CNTN5: variants seen among roughly 807,000 people sequenced by gnomAD.
CNTN5 encodes contactin 5.
A neutral mutation model predicts 129.1 loss-of-function variants in CNTN5; 77 were observed. The observed-to-expected ratio is 0.60, with a 90% CI of 0.50 to 0.72. CNTN5 has a LOEUF of 0.72. Ranked by LOEUF, CNTN5 falls within the 30% of genes least tolerant of loss-of-function variation. The pLI, the probability that CNTN5 is intolerant of heterozygous loss-of-function variation, is 0.00. For missense variants in CNTN5, 1,478 were observed against 1,328.8 expected (o/e 1.11, Z -1.75); for synonymous variants, 509 against 465.6 (o/e 1.09, Z -1.20).
chr11:100,258,317 G>T (rs1157772407), intron 17 of CNTN5, among the ~76,000 whole-genome samples: 1 of 152,188 alleles, frequency 6.6e-6, no homozygotes, highest in Non-Finnish European at 1.5e-5. Flanking sequence ...TTTGACTGGT[G>T]TACCTGAAAG....
intron 13 of CNTN5, among the ~76,000 whole-genome samples, chr11:100,109,434 C>T (rs1285434534): frequency 6.6e-6 from 1 of 152,054 alleles, no homozygotes; most frequent in Non-Finnish European, 1.5e-5. Flanking sequence ...TAAAACAAGA[C>T]AAAACAAAAC....
chr11:99,113,545 G>A (rs180786903), intron 1 of CNTN5, among the ~76,000 whole-genome samples: 8 of 152,196 alleles, frequency 5.3e-5, no homozygotes, highest in African/African-American at 1.7e-4. Context: ...TATATAAAAT[G>A]CACCTCAGAA....
intron 13 of CNTN5, among the ~76,000 whole-genome samples, chr11:100,148,536 G>C (rs921312717): frequency 4.6e-5 from 7 of 152,128 alleles, no homozygotes; most frequent in African/African-American, 1.4e-4. Context: ...CGGTGTAACT[G>C]AGATCTGCTA....
intron 2 of CNTN5, among the ~76,000 whole-genome samples, chr11:99,476,084 C>CT (rs985564259): frequency 6.6e-6 from 1 of 151,102 alleles, no homozygotes; most frequent in Non-Finnish European, 1.5e-5. Context: ...TCTTTTTTCC[C>CT]CCAAAGAAAG....
At chr11:99,375,491 A>G (rs1333306877) in intron 2 of CNTN5, among the ~76,000 whole-genome samples, 1 of 152,088 alleles carries the variant, frequency 6.6e-6, no homozygotes, top group Non-Finnish European at 1.5e-5. Context: ...GCTTAATGAG[A>G]TGGAGTTTAT....
intron 2 of CNTN5, among the ~76,000 whole-genome samples, chr11:99,349,573 A>C (rs1031525692): frequency 6.6e-6 from 1 of 152,208 alleles, no homozygotes; most frequent in Non-Finnish European, 1.5e-5. Flanking sequence ...TATTATAAAT[A>C]CACCATGGTG....
chr11:100,094,603 T>C (rs1161558898), intron 13 of CNTN5, among the ~76,000 whole-genome samples: 5 of 151,972 alleles, frequency 3.3e-5, no homozygotes, highest in Non-Finnish European at 5.9e-5. Context: ...TCTTTTCTAA[T>C]TGATATTCTT....
At chr11:100,279,451 T>A (rs1242696566) in intron 18 of CNTN5, among the ~76,000 whole-genome samples, 1 of 151,844 alleles carries the variant, frequency 6.6e-6, no homozygotes, top group Admixed American at 6.6e-5. Flanking sequence ...GGCTTCTTTT[T>A]TTTTCCCTCT....
At chr11:99,723,637 C>A (rs1237304940) in intron 3 of CNTN5, among the ~76,000 whole-genome samples, 1 of 152,102 alleles carries the variant, frequency 6.6e-6, no homozygotes, top group African/African-American at 2.4e-5. Context: ...ATTGTGCATT[C>A]TTCCCCCTCC....
At chr11:99,390,724 C>T (rs1223673915) in intron 2 of CNTN5, among the ~76,000 whole-genome samples, 1 of 152,102 alleles carries the variant, frequency 6.6e-6, no homozygotes, top group African/African-American at 2.4e-5. Flanking sequence ...TTCGAACATT[C>T]CTGGCTACAT....
intron 3 of CNTN5, among the ~76,000 whole-genome samples, chr11:99,771,708 C>A (rs556572534): frequency 2.6e-5 from 4 of 151,936 alleles, no homozygotes; most frequent in Non-Finnish European, 5.9e-5. Context: ...TGACCACATT[C>A]TGGGGATTTA....
intron 16 of CNTN5, among the ~76,000 whole-genome samples, chr11:100,235,853 G>GT (rs1949603500): frequency 6.6e-6 from 1 of 151,976 alleles, no homozygotes. Context: ...CTTCACTTTC[G>GT]TTTTTTGAGG....
intron 16 of CNTN5, among the ~76,000 whole-genome samples, chr11:100,235,655 CCTT>C (rs948047833): frequency 9.2e-5 from 14 of 152,104 alleles, no homozygotes; most frequent in African/African-American, 3.4e-4. Flanking sequence ...GTCTAGTGTG[CCTT>C]CTTCTGGGAA....
chr11:99,474,576 G>A (rs1945298154), intron 2 of CNTN5, among the ~76,000 whole-genome samples: 1 of 151,996 alleles, frequency 6.6e-6, no homozygotes, highest in Non-Finnish European at 1.5e-5. Context: ...AGATGAAACA[G>A]AATAATCAAG....
At chr11:99,607,884 G>T in intron 3 of CNTN5, among the ~76,000 whole-genome samples, 1 of 126,526 alleles carries the variant, frequency 7.9e-6, no homozygotes. Flanking sequence ...CTCACTCATA[G>T]GTGGGAATTG....
chr11:100,322,863 TATATA>T (rs1951721418), intron 21 of CNTN5, among the ~76,000 whole-genome samples: 1 of 152,182 alleles, frequency 6.6e-6, no homozygotes, highest in African/African-American at 2.4e-5. Context: ...AAATATCTGA[TATATA>T]ATATACAGAA....
chr11:99,142,901 TCTTA>T (rs1439604714), intron 1 of CNTN5, among the ~76,000 whole-genome samples: 1 of 152,132 alleles, frequency 6.6e-6, no homozygotes, highest in African/African-American at 2.4e-5. Context: ...TTAACTCACC[TCTTA>T]CTTAGGAGCA....
At chr11:99,523,181 G>T (rs144779406) in intron 2 of CNTN5, among the ~76,000 whole-genome samples, 15 of 151,918 alleles carry the variant, frequency 9.9e-5, no homozygotes, top group Non-Finnish European at 1.9e-4. Context: ...TACTACATTC[G>T]TCTGTTGACA....
At chr11:99,253,241 C>T (rs75482679) in intron 1 of CNTN5, among the ~76,000 whole-genome samples, 13,306 of 151,974 alleles carry the variant, frequency 0.088, 649 homozygotes, top group South Asian at 0.13. Flanking sequence ...TGCCTGCTGC[C>T]GTGTAAGAAT....
Sources: allele counts gnomAD v4.1 joint callset (sites outside exome capture counted in the v4.1 genomes callset), GRCh38; gene constraint gnomAD v4.1.1; transcripts MANE v1.5; gene names NCBI Gene and HGNC (gene_info 2026-07-23, HGNC 2026-07-21).